The following ARHGAP35 variants were observed in gnomAD, a reference collection of about 807,000 sequenced individuals.
The protein encoded by ARHGAP35 is Rho GTPase activating protein 35.
In ARHGAP35, 15 loss-of-function variants were observed where a neutral mutation model predicts 111.1. The observed-to-expected ratio is 0.13, with a 90% CI of 0.09 to 0.21. ARHGAP35 has a LOEUF of 0.21. Ranked by LOEUF, ARHGAP35 falls within the 10% of genes least tolerant of loss-of-function variation. The probability of loss-of-function intolerance (pLI) is 1.00; values close to 1 mark genes in which losing one functional copy is unlikely to be tolerated. For missense variants in ARHGAP35, 1,262 were observed against 1,873.0 expected, an observed-to-expected ratio of 0.67 and a Z score of 6.02; for synonymous variants, 643 against 710.3, an observed-to-expected ratio of 0.91 and a Z score of 1.51.
chr19:46,955,463 C>T (rs1409792738), intron 3 of ARHGAP35, among the ~76,000 whole-genome samples: 1 of 152,200 alleles, frequency 6.6e-6, no homozygotes, highest in Non-Finnish European at 1.5e-5. Context: ...CACAGCCAGC[C>T]TTTCAGCAGC....
In ARHGAP35 at chr19:46,918,545, C is replaced by T. The variant is rs1018750157; in HGVS notation, c.-131C>T. ...GGTGAACAGTGACCATACTGGTATACAACACTATGGGACCTGGCATTTTTG... is the reference window on the plus strand; with the variant it reads ...GGTGAACAGTGACCATACTGGTATATAACACTATGGGACCTGGCATTTTTG... On this transcript the variant is annotated 5_prime_UTR_variant, in exon 2 of 7. Transcript: ENST00000672722. This position sits in a 1 kb window ranked among gnomAD's most constrained non-coding sequence, Gnocchi z 5.4. The T allele has an allele frequency of 1.2e-6, 1 of 826,800 alleles. No homozygotes were observed. Among genetic ancestry groups the T allele is most frequent in the Non-Finnish European group, 1.9e-6 (1 of 512,924 alleles). The allele number at this position is 826,800 out of a possible 1,614,324, so 51.2% of individuals were successfully genotyped here.
intron 3 of ARHGAP35, chr19:46,948,093 C>A (rs921296852): frequency 1.3e-5 from 2 of 152,116 alleles, no homozygotes; most frequent in Admixed American, 6.5e-5. Flanking sequence ...AGGGTGGGAC[C>A]CTCGCAGGGG....
chr19:46,930,195 C>T lies in ARHGAP35; in HGVS notation c.3682-7069C>T, dbSNP rs140228638. On this transcript the variant is annotated intron_variant, in intron 2 of 6. Transcript: ENST00000672722. ...TAGCTTGGGCAACATGGCAAAACTC[C>T]GTCTCTACAAAATATTATCTGGGCG... Among the ~76,000 whole-genome samples, 629 of 151,902 alleles carry T rather than the reference C, an allele frequency of 4.1e-3. 1 individual carries two copies. The highest frequency in any genetic ancestry group is 3.9e-3 in the Non-Finnish European group (267 of 67,976).
intron 1 of ARHGAP35, among the ~76,000 whole-genome samples, chr19:46,883,261 A>ATT (rs532740072): frequency 5.9e-4 from 86 of 144,966 alleles, no homozygotes; most frequent in Non-Finnish European, 6.8e-4. Context: ...TGCCTGGCTA[A>ATT]TTTTTTTTTT....
chr19:46,996,662 G>A lies in ARHGAP35; in HGVS notation c.4037-2642G>A, dbSNP rs532549566. Among the ~76,000 whole-genome samples, 14 of 152,344 alleles carry A rather than the reference G, an allele frequency of 9.2e-5. No individual in the cohort carries two copies. In the South Asian group the frequency reaches 2.3e-3, roughly 25 times the overall value. ...TGTTTGGGTCGTGCAGGCACCTACG[G>A]AGAGACCTGTGTCCTCCTGTGCCAA... is the stretch of plus-strand genomic sequence containing the variant. On this transcript the variant is annotated intron_variant, in intron 5 of 6. Coordinates refer to ENST00000672722, the MANE Select transcript of ARHGAP35 (RefSeq NM_004491.5).
At chr19:46,864,758 C>T (rs778588038) in intron 1 of ARHGAP35, among the ~76,000 whole-genome samples, 1 of 152,138 alleles carries the variant, frequency 6.6e-6, no homozygotes, top group Admixed American at 6.5e-5. Flanking sequence ...ATTTTTGGTT[C>T]ATTTCCGTTG....
chr19:46,990,861 C>A (rs1280233529), intron 5 of ARHGAP35, among the ~76,000 whole-genome samples: 1 of 152,208 alleles, frequency 6.6e-6, no homozygotes, highest in African/African-American at 2.4e-5. Context: ...CCAAGCTCAT[C>A]CTTCCAGGGT....
At chr19:46,971,960 G>A (rs912939847) in intron 3 of ARHGAP35, among the ~76,000 whole-genome samples, 3 of 152,170 alleles carry the variant, frequency 2.0e-5, no homozygotes, top group Admixed American at 1.3e-4. Context: ...TAGAACTGCT[G>A]TCCAAAAAAA....
At chr19:46,885,368 A>G (rs1568460563) in intron 1 of ARHGAP35, among the ~76,000 whole-genome samples, 1 of 152,192 alleles carries the variant, frequency 6.6e-6, no homozygotes, top group South Asian at 2.1e-4. Flanking sequence ...TAACAACCCA[A>G]TGAAGTAGGT....
rs1449152733 is a variant in ARHGAP35, at chr19:46,986,218, TGGAC to T, written c.3827-1770_3827-1767del. 6.6e-6 allele frequency among the ~76,000 whole-genome samples: 1 copy of T among 152,204 alleles called. No individual in the cohort carries two copies. The highest frequency in any genetic ancestry group is 1.9e-4 in the East Asian group (1 of 5,200). On this transcript the variant is annotated intron_variant, in intron 3 of 6. Transcript: ENST00000672722. The surrounding 1 kb of genome is among the most constrained non-coding windows in gnomAD (Gnocchi z 4.3). ...TCCTTGAGATCTTGATGGCTCACAGTGGACTTCGTTCCCAGGACAGGGTGAGTGG... is the reference window on the plus strand; with the variant it reads ...TCCTTGAGATCTTGATGGCTCACAGTTTCGTTCCCAGGACAGGGTGAGTGG...
chr19:46,935,506 A>G lies in ARHGAP35; in HGVS notation c.3682-1758A>G, dbSNP rs1162292041. 3.3e-5 allele frequency among the ~76,000 whole-genome samples: 5 copies of G among 152,128 alleles called. No homozygotes were observed. In the East Asian group the frequency reaches 7.7e-4, roughly 23 times the overall value. Reference sequence around the variant, plus strand: ...AAACAGGAAGTGATTTTTTTCTTATACAAAGGGGTACTGGTAGGAACGAAG... The same window carrying G: ...AAACAGGAAGTGATTTTTTTCTTATGCAAAGGGGTACTGGTAGGAACGAAG... On this transcript the variant is annotated intron_variant, in intron 2 of 6. Coordinates refer to ENST00000672722, the MANE Select transcript of ARHGAP35 (RefSeq NM_004491.5).
chr19:46,947,190 G>A (rs1046302631), intron 3 of ARHGAP35: 4 of 152,166 alleles, frequency 2.6e-5, no homozygotes, highest in Admixed American at 6.6e-5. Flanking sequence ...CATTAAATGA[G>A]TATTTATTGA....
At chr19:46,923,951 G>GTA (rs1046104595) in intron 2 of ARHGAP35, among the ~76,000 whole-genome samples, 8 of 150,786 alleles carry the variant, frequency 5.3e-5, no homozygotes, top group Admixed American at 1.3e-4. Context: ...GAAAAAAAAT[G>GTA]TGTATATATA....
rs908182315 is a variant in ARHGAP35, at chr19:46,945,105, G to A, written c.3826+7697G>A. ...TCAGCTCCGGTTACATGGAAAGGCT[G>A]GATGAGGGCATGTCACTGCCACAGC... On this transcript the variant is annotated intron_variant, in intron 3 of 6. Coordinates refer to ENST00000672722, the MANE Select transcript of ARHGAP35 (RefSeq NM_004491.5). This position sits in a 1 kb window ranked among gnomAD's most constrained non-coding sequence, Gnocchi z 4.1. Among the ~76,000 whole-genome samples, 1 of 152,184 alleles carries A rather than the reference G, an allele frequency of 6.6e-6. No homozygotes were observed. The highest frequency in any genetic ancestry group is 2.1e-4 in the South Asian group (1 of 4,820).
rs146703993 is a variant in ARHGAP35 at position 46,911,327 on chromosome 19, C to A, written c.-188-7161C>A. 5.5e-3 allele frequency among the ~76,000 whole-genome samples: 837 copies of A among 152,220 alleles called. 7 individuals are homozygous for A. The highest frequency in any genetic ancestry group is 0.019 in the African/African-American group (806 of 41,522). ...TACCATTTATTGTCTTATGGTTTGG[C>A]TATTTTTTTTAAGTGTAAATATTGT... On this transcript the variant is annotated intron_variant, in intron 1 of 6. Transcript: ENST00000672722.
intron 1 of ARHGAP35, among the ~76,000 whole-genome samples, chr19:46,869,484 G>C (rs1196819390): frequency 7.0e-6 from 1 of 143,116 alleles, no homozygotes. Context: ...AATTGTGTGT[G>C]TGTGTGTGTG....
intron 1 of ARHGAP35, among the ~76,000 whole-genome samples, chr19:46,875,103 C>T (rs756450941): frequency 3.7e-4 from 56 of 152,122 alleles, no homozygotes; most frequent in Non-Finnish European, 6.3e-4. Context: ...TGAGCCACCG[C>T]ACCTGGCCCC....
chr19:46,967,169 G>A lies in ARHGAP35; in HGVS notation c.3827-20820G>A, dbSNP rs548155282. On this transcript the variant is annotated intron_variant, in intron 3 of 6. Transcript: ENST00000672722. ...TAAGGGAGTCCTTCTGCATGGGGAC[G>A]GGAAAGGTCAGGCCACCAGGACTCT... Among the ~76,000 whole-genome samples the A allele has an allele frequency of 1.3e-4, 20 of 151,864 alleles. No individual in the cohort carries two copies. In the East Asian group the frequency reaches 3.3e-3, roughly 25 times the overall value.
intron 2 of ARHGAP35, among the ~76,000 whole-genome samples, chr19:46,927,869 G>A (rs1225412958): frequency 6.6e-6 from 1 of 152,102 alleles, no homozygotes; most frequent in African/African-American, 2.4e-5. Flanking sequence ...TCATCATCCA[G>A]TCTGCAGAAA....
Sources: gnomAD v4.1 joint callset for allele counts (sites outside exome capture counted in the v4.1 genomes callset) on GRCh38, gnomAD v4.1.1 for gene constraint, Gnocchi (gnomAD v3.1) non-coding constraint, MANE v1.5 for transcripts, NCBI Gene and HGNC (gene_info 2026-07-23, HGNC 2026-07-21) for gene names.